Variants in ALK observed in about 807,000 individuals in gnomAD.
ALK encodes ALK tyrosine kinase receptor.
ALK carries 74 observed loss-of-function variants against 163.1 expected under a neutral mutation model. The observed-to-expected ratio is 0.45, with a 90% CI of 0.38 to 0.55. The LOEUF (loss-of-function observed/expected upper bound fraction) is 0.55, where lower values mean the gene tolerates loss of function less well. ALK is among the 20% of genes least tolerant of loss of function. The pLI is 0.00. For missense variants in ALK, 2,063 were observed against 2,105.3 expected (o/e 0.98, Z 0.39); for synonymous variants, 960 against 843.2 (o/e 1.14, Z -2.40).
At chr2:29,781,101 T>C (rs1681319616) in intron 1 of ALK, among the ~76,000 whole-genome samples, 1 of 152,186 alleles carries the variant, frequency 6.6e-6, no homozygotes, top group African/African-American at 2.4e-5. Context: ...GATTCAGACA[T>C]TGCCCCCAGG....
At chr2:29,902,193 CA>C (rs1478248221) in intron 1 of ALK, among the ~76,000 whole-genome samples, 1 of 152,172 alleles carries the variant, frequency 6.6e-6, no homozygotes, top group Non-Finnish European at 1.5e-5. Context: ...CTCGGCTCCC[CA>C]GGTGCAAATT....
At chr2:29,197,768 C>CT (rs757194964) in intron 26 of ALK, 92 bp from the exon 27 acceptor site, 103 of 1,137,502 alleles carry the variant, frequency 9.1e-5, no homozygotes, top group Non-Finnish European at 1.3e-4. Flanking sequence ...CAATTTCAAC[C>CT]TTTTTTTCCC....
At chr2:29,862,301 G>T (rs981601411) in intron 1 of ALK, among the ~76,000 whole-genome samples, 1 of 152,028 alleles carries the variant, frequency 6.6e-6, no homozygotes, top group Non-Finnish European at 1.5e-5. Context: ...GAAAGGCAAG[G>T]GAAGTGAAAG....
At chr2:29,832,402 A>G (rs564232800) in intron 1 of ALK, among the ~76,000 whole-genome samples, 1 of 152,336 alleles carries the variant, frequency 6.6e-6, no homozygotes, top group African/African-American at 2.4e-5. Context: ...AGGAAGGGGT[A>G]GATCTTTCAA....
intron 1 of ALK, among the ~76,000 whole-genome samples, chr2:29,758,167 T>C (rs1028726717): frequency 6.6e-6 from 1 of 151,972 alleles, no homozygotes; most frequent in Middle Eastern, 3.2e-3. Flanking sequence ...TGTGCCACCA[T>C]ACCTGGCTAA....
chr2:29,814,448 C>T (rs1234174409), intron 1 of ALK, among the ~76,000 whole-genome samples: 2 of 151,888 alleles, frequency 1.3e-5, no homozygotes, highest in African/African-American at 2.4e-5. Flanking sequence ...ATCACGAGGT[C>T]AGGAGATCGA....
intron 3 of ALK, among the ~76,000 whole-genome samples, chr2:29,559,768 C>CATGTGTGTGT (rs144162562): frequency 5.6e-5 from 8 of 143,130 alleles, no homozygotes; most frequent in Admixed American, 2.8e-4. Context: ...GGAGCATGTA[C>CATGTGTGTGT]GTGTGTGTGT....
chr2:29,474,771 G>A (rs539909464), intron 4 of ALK, among the ~76,000 whole-genome samples: 66 of 152,188 alleles, frequency 4.3e-4, no homozygotes, highest in Non-Finnish European at 9.0e-4. Flanking sequence ...TGGATTTGGG[G>A]AGGTTTAGTT....
Position 29,830,712 on chromosome 2 carries a change from T to TAAAAAAAAA in ALK, c.667+89280_667+89281insTTTTTTTTT, listed in dbSNP as rs1665344950. ...AGCAAGACCCTGTCTCTAAAATAGT[T>TAAAAAAAAA]TAAAAAAAAAAAAAAAAAAAAAAAA... On this transcript the variant is annotated intron_variant, in intron 1 of 28. Coordinates refer to ENST00000389048, the MANE Select transcript of ALK (RefSeq NM_004304.5). Among the ~76,000 whole-genome samples, 29 of 63,520 alleles carry TAAAAAAAAA rather than the reference T, an allele frequency of 4.6e-4. 8 individuals are homozygous for TAAAAAAAAA. Among genetic ancestry groups the TAAAAAAAAA allele is most frequent in the African/African-American group, 1.3e-3 (21 of 16,064 alleles). The allele number at this position is 63,520 out of a possible 152,430, so 41.7% of individuals were successfully genotyped here.
At position 29,246,536 on chromosome 2, in the gene ALK, CA is replaced by C. The variant is rs112835118; in HGVS notation, c.2204+4568del. On this transcript the variant is annotated intron_variant, in intron 12 of 28. Transcript: ENST00000389048. The surrounding 1 kb of genome is among the most constrained non-coding windows in gnomAD (Gnocchi z 4.3). ...CACCACGGCCCAGAGGCCTCCTGAT[CA>C]GGGCCCCTCTCGCTGCTGCCCTGGC... Among the ~76,000 whole-genome samples, 15 of 152,360 alleles carry C rather than the reference CA, an allele frequency of 9.8e-5. No individual in the cohort carries two copies. Among genetic ancestry groups the C allele is most frequent in the African/African-American group, 3.4e-4 (14 of 41,582 alleles).
At chr2:29,399,705 C>G (rs957409991) in intron 4 of ALK, among the ~76,000 whole-genome samples, 2 of 152,152 alleles carry the variant, frequency 1.3e-5, no homozygotes, top group Non-Finnish European at 2.9e-5. Flanking sequence ...GGTGATGTCT[C>G]TTCCGTTTAT....
intron 4 of ALK, among the ~76,000 whole-genome samples, chr2:29,409,853 A>G (rs1418102717): frequency 6.6e-6 from 1 of 151,306 alleles, no homozygotes; most frequent in Non-Finnish European, 1.5e-5. Flanking sequence ...TCATTTCTCT[A>G]CCCCATTACC....
chr2:29,363,820 C>T (rs12714277), intron 5 of ALK, among the ~76,000 whole-genome samples: 48,813 of 152,038 alleles, frequency 0.32, 8,169 homozygotes, highest in Middle Eastern at 0.38. Flanking sequence ...TTATTAAAAA[C>T]ACATCGAGGA....
At chr2:29,756,815 C>T (rs138928124) in intron 1 of ALK, among the ~76,000 whole-genome samples, 2,817 of 152,308 alleles carry the variant, frequency 0.018, 104 homozygotes, top group African/African-American at 0.065. Flanking sequence ...GCATGAGCCA[C>T]CGCACCTGGC....
At chr2:29,445,723 G>A (rs1670657547) in intron 4 of ALK, among the ~76,000 whole-genome samples, 1 of 152,184 alleles carries the variant, frequency 6.6e-6, no homozygotes, top group Non-Finnish European at 1.5e-5. Context: ...TTGGGAGGCT[G>A]AGGCAGTAGA....
intron 4 of ALK, among the ~76,000 whole-genome samples, chr2:29,530,971 A>T (rs1187448763): frequency 6.6e-6 from 1 of 152,208 alleles, no homozygotes; most frequent in Non-Finnish European, 1.5e-5. Flanking sequence ...GAGTGGGGAG[A>T]AGACTTTCAA....
At chr2:29,673,671 G>T (rs1454059521) in intron 3 of ALK, among the ~76,000 whole-genome samples, 1 of 150,316 alleles carries the variant, frequency 6.7e-6, no homozygotes, top group Admixed American at 6.6e-5. Flanking sequence ...GCTCTTTTTT[G>T]GTTCCATATG....
intron 1 of ALK, among the ~76,000 whole-genome samples, chr2:29,876,219 A>T (rs1666700719): frequency 6.6e-6 from 1 of 152,252 alleles, no homozygotes; most frequent in South Asian, 2.1e-4. Flanking sequence ...AAAGGAAATA[A>T]TACAAAAGAT....
chr2:29,336,303 C>G (rs528392368), intron 5 of ALK, among the ~76,000 whole-genome samples: 1 of 152,126 alleles, frequency 6.6e-6, no homozygotes, highest in Admixed American at 6.5e-5. Flanking sequence ...GAGTTAGTGT[C>G]GACTTTATTA....
Sources: allele counts gnomAD v4.1 joint callset (sites outside exome capture counted in the v4.1 genomes callset), GRCh38; gene constraint gnomAD v4.1.1; non-coding constraint Gnocchi (gnomAD v3.1); transcripts MANE v1.5; gene names NCBI Gene and HGNC (gene_info 2026-07-23, HGNC 2026-07-21).